Variants in GPSM1 observed in about 807,000 individuals in gnomAD.
The protein encoded by GPSM1 is G protein-signaling modulator 1.
A neutral mutation model predicts 70.5 loss-of-function variants in GPSM1; 48 were observed. The observed-to-expected ratio is 0.68, with a 90% CI of 0.54 to 0.87. The LOEUF (loss-of-function observed/expected upper bound fraction) is 0.87, where lower values mean the gene tolerates loss of function less well. GPSM1 is among the 40% of genes least tolerant of loss of function. GPSM1 has a pLI of 0.00. For synonymous variants in GPSM1, 416 were observed against 430.1 expected (o/e 0.97, Z 0.41); for missense variants, 981 against 972.6 (o/e 1.01, Z -0.11).
chr9:136,336,796 C>T, intron 3 of GPSM1, 125 bp from the exon 4 acceptor site: 1 of 958,464 alleles, frequency 1.0e-6, no homozygotes, highest in Non-Finnish European at 1.5e-6. Flanking sequence ...GTGTCTGTGA[C>T]TCAGTGGGAG....
chr9:136,355,674 C>G lies in GPSM1; in HGVS notation c.1456-16C>G, dbSNP rs376009946. 6.8e-6 allele frequency: 11 copies of G among 1,609,952 alleles called. No individual in the cohort carries two copies. The Admixed American group carries it at 1.0e-4, about 15-fold the overall frequency. On this transcript the variant is annotated splice_polypyrimidine_tract_variant and intron_variant, in intron 11 of 13. Coordinates refer to ENST00000440944, the MANE Select transcript of GPSM1 (RefSeq NM_001145638.3). ...CGGGGCTAGCTTTGGCTGCGGTGAC[C>G]CCACTCCCTCCCCAGAGCATCCCGA...
intron 5 of GPSM1, 114 bp downstream of exon 5, chr9:136,337,678 G>A (rs1554769512): frequency 6.5e-6 from 7 of 1,077,614 alleles, no homozygotes; most frequent in East Asian, 2.6e-5. Context: ...CAGCAGGCCC[G>A]CCCCACCGAG....
At chr9:136,346,405 G>A (rs997297149) in intron 9 of GPSM1, among the ~76,000 whole-genome samples, 2 of 152,174 alleles carry the variant, frequency 1.3e-5, no homozygotes, top group Non-Finnish European at 2.9e-5. Flanking sequence ...ATTTAAACGG[G>A]TCACATGGAC....
chr9:136,335,836 G>T lies in GPSM1; in HGVS notation c.291-130G>T. 6 of 924,856 alleles carry T rather than the reference G, an allele frequency of 6.5e-6. No individual in the cohort carries two copies. In the South Asian group the frequency reaches 1.0e-4, roughly 16 times the overall value. 57.3% of individuals were successfully genotyped at this position (924,856 alleles called of 1,614,324 possible). A position where few individuals can be genotyped will look rare whatever the true frequency, so the allele number is the denominator to read the frequency against. On this transcript the variant is annotated intron_variant, in intron 2 of 13. Coordinates refer to ENST00000440944, the MANE Select transcript of GPSM1 (RefSeq NM_001145638.3). ...GGCCCCTGCCCAGTATCACCTCAGG[G>T]GTTGCAGGCTCCTGTCCACTCCATG...
chr9:136,327,925 G>GC (rs1280528547), intron 1 of GPSM1, among the ~76,000 whole-genome samples, 162 bp downstream of exon 1: 1 of 147,616 alleles, frequency 6.8e-6, no homozygotes, highest in Non-Finnish European at 1.5e-5. Flanking sequence ...CCCGGCGTGT[G>GC]CCCGCGTGGG....
At chr9:136,350,241 CCT>C (rs1832627658) in intron 11 of GPSM1, among the ~76,000 whole-genome samples, 1 of 152,246 alleles carries the variant, frequency 6.6e-6, no homozygotes, top group African/African-American at 2.4e-5. Context: ...GCACAGATCC[CCT>C]GATGGGGTGC....
intron 7 of GPSM1, among the ~76,000 whole-genome samples, chr9:136,339,106 G>A (rs1554769786): frequency 1.3e-5 from 2 of 152,190 alleles, no homozygotes. Flanking sequence ...ACAGGCAGCA[G>A]AGAGGAGAGG....
chr9:136,340,913 C>A lies in GPSM1; in HGVS notation c.1127C>A (p.Ala376Glu), dbSNP rs76978793. The part of the protein sequence containing the change: ...HGELTARMNV[A>E]QLQLVLGRLT... ...GAGCTCACGGCCCGCATGAACGTGGCGCAGCTGCAGCTGGTGCTCGGCCGC... is the reference window on the plus strand; with the variant it reads ...GAGCTCACGGCCCGCATGAACGTGGAGCAGCTGCAGCTGGTGCTCGGCCGC... The change falls in exon 9 of 14, where the codon GCG becomes GAG. Residue 376 changes from alanine to glutamate, a missense_variant. Ala to Glu is a moderately radical substitution (Grantham distance 107). Coordinates refer to ENST00000440944, the MANE Select transcript of GPSM1 (RefSeq NM_001145638.3). The surrounding 1 kb of genome is among the most constrained non-coding windows in gnomAD (Gnocchi z 7.3). 1.3e-6 allele frequency: 2 copies of A among 1,574,822 alleles called. No individual in the cohort carries two copies.
At chr9:136,330,159 G>A (rs1306676310) in intron 1 of GPSM1, among the ~76,000 whole-genome samples, 3 of 152,114 alleles carry the variant, frequency 2.0e-5, no homozygotes, top group Non-Finnish European at 4.4e-5. Flanking sequence ...CTGGGTGGTC[G>A]TCTCCTGGCC....
rs146347024 is a variant in GPSM1, at chr9:136,347,506, G to A, written c.1208-1191G>A. On this transcript the variant is annotated intron_variant, in intron 9 of 13. Transcript: ENST00000440944. ...GAGTCTCCCTGGAGATGTGCCAGGC[G>A]TAGGGACAGCAGAGACAGGGTCCTC... Among the ~76,000 whole-genome samples, 7 of 152,264 alleles carry A rather than the reference G, an allele frequency of 4.6e-5. No individual in the cohort carries two copies. In the South Asian group the frequency reaches 6.2e-4, roughly 14 times the overall value.
At position 136,352,111 on chromosome 9, in the gene GPSM1, A is replaced by C. The variant is rs1348265564; in HGVS notation, c.1455+2348A>C. ...TGCGCCGTTGCTGTTGGTGACACCA[A>C]TGCTGCGCCGTTGCTGTTGGTGACA... is the stretch of plus-strand genomic sequence containing the variant. On this transcript the variant is annotated intron_variant, in intron 11 of 13. Transcript: ENST00000440944. Among the ~76,000 whole-genome samples the C allele has an allele frequency of 2.0e-3, 302 of 148,400 alleles. 17 individuals are homozygous for C. The highest frequency in any genetic ancestry group is 7.2e-3 in the African/African-American group (287 of 39,626).
Position 136,336,160 on chromosome 9 carries a change from C to G in GPSM1, c.426+59C>G, listed in dbSNP as rs1554769212. The G allele has an allele frequency of 2.5e-6, 4 of 1,575,452 alleles. No individual in the cohort carries two copies. In the African/African-American group the frequency reaches 4.0e-5, roughly 16 times the overall value. ...CCCCTGCACCGGCCTGCGTCCAGAT[C>G]CGGGATAGGGGCGGGCGGGTGACTC... On this transcript the variant is annotated intron_variant, in intron 3 of 13. Transcript: ENST00000440944.
chr9:136,348,136 G>A (rs782563349), intron 9 of GPSM1, among the ~76,000 whole-genome samples: 16 of 152,336 alleles, frequency 1.1e-4, no homozygotes, highest in Non-Finnish European at 2.1e-4. Context: ...CCCCGGGCCA[G>A]GAGGGATGGA....
chr9:136,348,772 G>A lies in GPSM1; in HGVS notation c.1278+5G>A, dbSNP rs782679160. 1 of 1,607,150 alleles carries A rather than the reference G, an allele frequency of 6.2e-7. No individual in the cohort carries two copies. On this transcript the variant is annotated splice_donor_5th_base_variant and intron_variant, in intron 10 of 13. Transcript: ENST00000440944. ...CTGAGACTCCCCCTGGAGCGGGTGA[G>A]CCAGGGACACGGGACCGATGTCAGC...
At chr9:136,331,364 G>GCCCCC (rs33950584) in intron 1 of GPSM1, among the ~76,000 whole-genome samples, 1 of 126,674 alleles carries the variant, frequency 7.9e-6, no homozygotes. Flanking sequence ...AGGACTCTGA[G>GCCCCC]CCCCCCCCCC....
chr9:136,335,056 G>T (rs1832199834), intron 2 of GPSM1, among the ~76,000 whole-genome samples: 1 of 152,180 alleles, frequency 6.6e-6, no homozygotes, highest in African/African-American at 2.4e-5. Context: ...GGCGTGAGTG[G>T]GTCTGTGTGT....
chr9:136,348,868 C>A, intron 10 of GPSM1, 101 bp downstream of exon 10: 1 of 867,306 alleles, frequency 1.2e-6, no homozygotes, highest in Non-Finnish European at 1.8e-6. Context: ...CAGCCCCTGT[C>A]TGCTGGGAGA....
intron 11 of GPSM1, chr9:136,353,122 C>T: frequency 1.0e-6 from 1 of 985,012 alleles, no homozygotes; most frequent in Non-Finnish European, 1.2e-6. Flanking sequence ...CCCAGCGTGG[C>T]TCCCTGCTGC....
chr9:136,337,644 A>C, intron 5 of GPSM1, 80 bp downstream of exon 5: 1 of 1,397,742 alleles, frequency 7.2e-7, no homozygotes. Context: ...GCGGTCCCTG[A>C]AAGGGCAGGG....
Sources: allele counts gnomAD v4.1 joint callset (sites outside exome capture counted in the v4.1 genomes callset), GRCh38; gene constraint gnomAD v4.1.1; non-coding constraint Gnocchi (gnomAD v3.1); transcripts MANE v1.5; gene names NCBI Gene and HGNC (gene_info 2026-07-23, HGNC 2026-07-21).